The following KIAA0825 variants were observed in gnomAD, a reference collection of about 807,000 sequenced individuals.
KIAA0825 encodes the protein uncharacterized protein KIAA0825.
In KIAA0825, 119 loss-of-function variants were observed where a neutral mutation model predicts 147.6. The ratio of observed to expected loss-of-function variants is 0.81; its 90% confidence interval spans 0.69 to 0.94. The LOEUF is 0.94. Among genes scored for constraint, KIAA0825 ranks in the 40% least tolerant of loss-of-function variants. The pLI is 0.00. For missense variants in KIAA0825, 1,381 were observed against 1,472.7 expected (o/e 0.94, Z 1.02); for synonymous variants, 470 against 518.1 (o/e 0.91, Z 1.26).
At chr5:94,480,326 T>G (rs988727332) in intron 6 of KIAA0825, among the ~76,000 whole-genome samples, 1 of 152,062 alleles carries the variant, frequency 6.6e-6, no homozygotes, top group African/African-American at 2.4e-5. Flanking sequence ...TGACAAGGTT[T>G]TGAGTTATTT....
intron 20 of KIAA0825, among the ~76,000 whole-genome samples, chr5:94,224,089 T>A: frequency 9.0e-6 from 1 of 111,410 alleles, no homozygotes; most frequent in South Asian, 3.2e-4. Flanking sequence ...TTTCTTTTTT[T>A]TTTTTTTTTT....
At chr5:94,365,454 A>G (rs1167420471) in intron 20 of KIAA0825, among the ~76,000 whole-genome samples, 2 of 152,226 alleles carry the variant, frequency 1.3e-5, no homozygotes, top group East Asian at 3.9e-4. Context: ...TTCCATGTCT[A>G]GGTTCTGATT....
intron 20 of KIAA0825, among the ~76,000 whole-genome samples, chr5:94,295,403 C>T (rs1420405255): frequency 6.6e-6 from 1 of 152,022 alleles, no homozygotes. Context: ...TATTATCCAC[C>T]TTCTGAAGCC....
chr5:94,343,436 A>C (rs1469299582), intron 20 of KIAA0825, among the ~76,000 whole-genome samples: 4 of 152,206 alleles, frequency 2.6e-5, no homozygotes, highest in Non-Finnish European at 5.9e-5. Flanking sequence ...CACACCTGTA[A>C]TCCCAGCACT....
intron 5 of KIAA0825, among the ~76,000 whole-genome samples, chr5:94,491,307 G>A (rs1763704820): frequency 1.3e-5 from 2 of 152,018 alleles, no homozygotes; most frequent in Non-Finnish European, 2.9e-5. Context: ...GAAGATCTTC[G>A]CTCCAGTAAA....
At chr5:94,598,443 T>G (rs1485117500) in intron 1 of KIAA0825, among the ~76,000 whole-genome samples, 1 of 152,048 alleles carries the variant, frequency 6.6e-6, no homozygotes, top group African/African-American at 2.4e-5. Context: ...TCTATAACAA[T>G]GCTTTTTTTC....
In KIAA0825 at chr5:94,364,753, TTAGTCAGATAGTGAGGG is replaced by T. The variant is rs1347242272; in HGVS notation, c.3710+19598_3710+19614del. 3.9e-5 allele frequency among the ~76,000 whole-genome samples: 6 copies of T among 152,122 alleles called. 1 individual carries two copies. The highest frequency in any genetic ancestry group is 7.4e-5 in the Non-Finnish European group (5 of 68,014). Reference sequence around the variant, plus strand: ...TATATAGGAGTTAAGAAGAAATTATTTAGTCAGATAGTGAGGGTAATGAAGTCCTCGGTAAGGTTTTC... The same window carrying T: ...TATATAGGAGTTAAGAAGAAATTATTTAATGAAGTCCTCGGTAAGGTTTTC... On this transcript the variant is annotated intron_variant, in intron 20 of 20. Transcript: ENST00000682413.
chr5:94,559,235 CTTTTA>C (rs1051902285), intron 2 of KIAA0825, among the ~76,000 whole-genome samples: 61 of 152,228 alleles, frequency 4.0e-4, no homozygotes, highest in African/African-American at 1.4e-3. Flanking sequence ...TACAAGAGTA[CTTTTA>C]TTTTATGTTT....
At chr5:94,357,780 C>G (rs1484475059) in intron 20 of KIAA0825, among the ~76,000 whole-genome samples, 1 of 152,072 alleles carries the variant, frequency 6.6e-6, no homozygotes, top group Non-Finnish European at 1.5e-5. Context: ...AAAATCACAC[C>G]TGGTTAAAGC....
rs183282801 is a variant in KIAA0825 at position 94,457,886 on chromosome 5, C to G, written c.2246+4501G>C. On this transcript the variant is annotated intron_variant, in intron 12 of 20. Coordinates refer to ENST00000682413, the MANE Select transcript of KIAA0825 (RefSeq NM_001145678.3). Reference sequence around the variant, plus strand: ...TTAAGGTAGCCCAAGGATGTAAGCTCTATGTGAATGGAGGGTCAGGTTAGA... The same window carrying G: ...TTAAGGTAGCCCAAGGATGTAAGCTGTATGTGAATGGAGGGTCAGGTTAGA... Among the ~76,000 whole-genome samples, 4 of 152,226 alleles carry G rather than the reference C, an allele frequency of 2.6e-5. No homozygotes were observed. The East Asian group carries it at 5.8e-4, about 22-fold the overall frequency.
At chr5:94,539,133 T>C (rs995369277) in intron 2 of KIAA0825, among the ~76,000 whole-genome samples, 1 of 152,134 alleles carries the variant, frequency 6.6e-6, no homozygotes, top group Admixed American at 6.5e-5. Context: ...AAGATGGCCA[T>C]GAGAGTAACC....
rs559288081 is a variant in KIAA0825 at position 94,470,797 on chromosome 5, G to T, written c.1721+669C>A. 3.9e-5 allele frequency among the ~76,000 whole-genome samples: 6 copies of T among 152,170 alleles called. No individual in the cohort carries two copies. The South Asian group carries it at 1.3e-3, about 32-fold the overall frequency. ...CTGCAAAGGCTGGATAAAGAATATA[G>T]AATAGATTCTCGGGGTCACACAGGA... is the stretch of plus-strand genomic sequence containing the variant. On this transcript the variant is annotated intron_variant, in intron 9 of 20. Coordinates refer to ENST00000682413, the MANE Select transcript of KIAA0825 (RefSeq NM_001145678.3).
intron 20 of KIAA0825, among the ~76,000 whole-genome samples, chr5:94,210,677 C>G (rs186378048): frequency 4.6e-5 from 7 of 152,192 alleles, no homozygotes; most frequent in Non-Finnish European, 7.4e-5. Context: ...TTAAAAGAAA[C>G]AGAAAATTCT....
chr5:94,272,753 T>C lies in KIAA0825; in HGVS notation c.3710+111615A>G, dbSNP rs145446356. Among the ~76,000 whole-genome samples, 138 of 152,318 alleles carry C rather than the reference T, an allele frequency of 9.1e-4. 4 individuals are homozygous for C. The East Asian group carries it at 0.026, about 28-fold the overall frequency. ...AACTTTACCAGATTTAAAATATAAT[T>C]TGTTGCTTATTTCAAAGAAATGTTT... On this transcript the variant is annotated intron_variant, in intron 20 of 20. Transcript: ENST00000682413.
At chr5:94,460,271 C>T (rs1179645014) in intron 12 of KIAA0825, among the ~76,000 whole-genome samples, 1 of 152,060 alleles carries the variant, frequency 6.6e-6, no homozygotes, top group African/African-American at 2.4e-5. Context: ...ATGTTCCTTT[C>T]CCTGGAGAAC....
intron 2 of KIAA0825, among the ~76,000 whole-genome samples, chr5:94,549,595 C>T (rs796430232): frequency 4.6e-5 from 7 of 152,234 alleles, no homozygotes; most frequent in African/African-American, 1.7e-4. Context: ...TGCCTGCAAT[C>T]CCAGCTACTT....
intron 20 of KIAA0825, among the ~76,000 whole-genome samples, chr5:94,167,544 A>C (rs1397081812): frequency 6.6e-6 from 1 of 152,142 alleles, no homozygotes; most frequent in Non-Finnish European, 1.5e-5. Context: ...GATCTTTACA[A>C]CCTTATTTCT....
chr5:94,442,658 G>A (rs1179701076), intron 13 of KIAA0825, among the ~76,000 whole-genome samples: 1 of 152,060 alleles, frequency 6.6e-6, no homozygotes, highest in Non-Finnish European at 1.5e-5. Flanking sequence ...GCTCCCTTGG[G>A]GTTCAATGGA....
intron 7 of KIAA0825, among the ~76,000 whole-genome samples, chr5:94,475,074 G>A (rs1761709828): frequency 6.6e-6 from 1 of 150,910 alleles, no homozygotes; most frequent in Non-Finnish European, 1.5e-5. Context: ...GGGCAACAGA[G>A]CGAGACTCCA....
Sources: allele counts gnomAD v4.1 joint callset (sites outside exome capture counted in the v4.1 genomes callset), GRCh38; gene constraint gnomAD v4.1.1; transcripts MANE v1.5; gene names NCBI Gene and HGNC (gene_info 2026-07-23, HGNC 2026-07-21).